NRROS: variants seen among roughly 807,000 people sequenced by gnomAD.
The protein encoded by NRROS is transforming growth factor beta activator LRRC33.
A neutral mutation model predicts 12.0 loss-of-function variants in NRROS; 6 were observed. The observed-to-expected ratio is 0.50, with a 90% CI of 0.27 to 0.98. The LOEUF (loss-of-function observed/expected upper bound fraction) is 0.98. NRROS is among the 50% of genes least tolerant of loss of function. The pLI is 0.11. For missense variants in NRROS, 857 were observed against 888.2 expected (o/e 0.96, Z 0.45); for synonymous variants, 462 against 410.2 (o/e 1.13, Z -1.53).
intron 1 of NRROS, among the ~76,000 whole-genome samples, chr3:196,640,152 C>A (rs1458975512): frequency 1.3e-5 from 2 of 152,224 alleles, no homozygotes; most frequent in African/African-American, 4.8e-5. Context: ...GCTTCAGATT[C>A]AGACGTGGGT....
chr3:196,660,565 G>T lies in NRROS; in HGVS notation c.922G>T (p.Gly308Cys). 6.2e-7 allele frequency: 1 copy of T among 1,614,104 alleles called. No homozygotes were observed. The highest frequency in any genetic ancestry group is 8.5e-7 in the Non-Finnish European group (1 of 1,180,018). Residue 308 changes from glycine to cysteine, a missense_variant, in exon 3 of 3, where the codon GGC becomes TGC. Coordinates refer to ENST00000328557, the MANE Select transcript of NRROS (RefSeq NM_198565.3). The surrounding 1 kb of genome is among the most constrained non-coding windows in gnomAD (Gnocchi z 7.7). ...GGTGGCCCAGTTCCTCCTCGTGGAC[G>T]GCAACGTGACCAACATCACCACCGT... ...EMVAQFLLVD[G>C]NVTNITTVSL...
At position 196,660,027 on chromosome 3, in the gene NRROS, C is replaced by T. The variant is rs773716378; in HGVS notation, c.384C>T (p.Leu128=). ...SENYEETAAA[L]HALPGLRRLD... The stretch of plus-strand genomic sequence containing the variant: ...ACTACGAAGAGACGGCAGCCGCCCT[C>T]CACGCCCTGCCGGGCCTGCGGAGGC... The change falls in exon 3 of 3, where the codon CTC becomes CTT. Residue 128 remains leucine, a synonymous_variant. Coordinates refer to ENST00000328557, the MANE Select transcript of NRROS (RefSeq NM_198565.3). The surrounding 1 kb of genome is among the most constrained non-coding windows in gnomAD (Gnocchi z 7.7). 1 of 1,613,394 alleles carries T rather than the reference C, an allele frequency of 6.2e-7. No homozygotes were observed. The highest frequency in any genetic ancestry group is 1.1e-5 in the South Asian group (1 of 91,058).
At chr3:196,643,033 A>C (rs970132665) in intron 1 of NRROS, among the ~76,000 whole-genome samples, 1 of 149,890 alleles carries the variant, frequency 6.7e-6, no homozygotes, top group Non-Finnish European at 1.5e-5. Flanking sequence ...TGATTGTGCC[A>C]TTGCACTCCA....
At chr3:196,652,067 C>T (rs1017056540) in intron 1 of NRROS, among the ~76,000 whole-genome samples, 13 of 152,296 alleles carry the variant, frequency 8.5e-5, no homozygotes, top group East Asian at 5.8e-4. Context: ...AAGGGGAAGG[C>T]GCAGCTCTGG....
chr3:196,657,565 G>A (rs752180382), intron 2 of NRROS, among the ~76,000 whole-genome samples: 2 of 151,996 alleles, frequency 1.3e-5, no homozygotes, highest in Non-Finnish European at 2.9e-5. Context: ...AAATTAGCCC[G>A]GTGTGGTGGT....
rs748408648 is a variant in NRROS, at chr3:196,660,377, G to A, written c.734G>A (p.Gly245Glu). Residue 245 changes from glycine (G) to glutamate (E), a missense_variant, in exon 3 of 3, where the codon GGG (glycine) becomes GAG (glutamate). Coordinates refer to ENST00000328557, the MANE Select transcript of NRROS (RefSeq NM_198565.3). The surrounding 1 kb of genome is among the most constrained non-coding windows in gnomAD (Gnocchi z 7.7). ...YNVLEWFLAT[G>E]GEAAFELETL... ...GTCCTGGAGTGGTTCCTCGCGACCGGGGGAGAGGCTGCCTTCGAGCTGGAG... is the reference window on the plus strand; with the variant it reads ...GTCCTGGAGTGGTTCCTCGCGACCGAGGGAGAGGCTGCCTTCGAGCTGGAG... 2 of 1,613,912 alleles carry A rather than the reference G, an allele frequency of 1.2e-6. No homozygotes were observed. The highest frequency in any genetic ancestry group is 1.7e-6 in the Non-Finnish European group (2 of 1,180,000).
At chr3:196,651,699 G>C (rs549217481) in intron 1 of NRROS, among the ~76,000 whole-genome samples, 1 of 152,280 alleles carries the variant, frequency 6.6e-6, no homozygotes, top group East Asian at 1.9e-4. Flanking sequence ...CCGGGAGGTG[G>C]AGTTTGCAGT....
In NRROS at chr3:196,660,737, T is replaced by A. The variant is rs1322915325; in HGVS notation, c.1094T>A (p.Met365Lys). The change falls in exon 3 of 3, where the codon ATG becomes AAG. Residue 365 changes from methionine (M) to lysine (K), a missense_variant. By Grantham distance (95) the Met-to-Lys change is moderately conservative. Transcript: ENST00000328557. The surrounding 1 kb of genome is among the most constrained non-coding windows in gnomAD (Gnocchi z 7.7). ...CTGAACCTCCACCAGAATTGCCTGA[T>A]GACGCTTCACATTCGGGAGCACGAG... ...SHLNLHQNCL[M>K]TLHIREHEPP... 2.5e-6 allele frequency: 4 copies of A among 1,614,106 alleles called. No individual in the cohort carries two copies. The highest frequency in any genetic ancestry group is 1.1e-5 in the South Asian group (1 of 91,080).
rs1048504730 is a variant in NRROS, at chr3:196,661,350, G to A, written c.1707G>A (p.Ser569=). The part of the protein sequence containing the change: ...ALETLDLRRN[S]LTALPQKAVS... ...AGACCCTGGATCTCCGTAGAAACTC[G>A]CTCACAGCCCTTCCCCAGAAGGCTG... Residue 569 remains serine (S), a synonymous_variant, in exon 3 of 3, where the codon TCG becomes TCA. Transcript: ENST00000328557. The A allele has an allele frequency of 7.0e-6, 11 of 1,580,692 alleles. No homozygotes were observed. Among genetic ancestry groups the A allele is most frequent in the South Asian group, 5.8e-5 (5 of 85,958 alleles).
At chr3:196,644,198 C>T (rs942800760) in intron 1 of NRROS, among the ~76,000 whole-genome samples, 2 of 152,142 alleles carry the variant, frequency 1.3e-5, no homozygotes, top group African/African-American at 4.8e-5. Context: ...CTCTGACAGC[C>T]CCCGTCTTGC....
chr3:196,661,195 C>G lies in NRROS; in HGVS notation c.1552C>G (p.Leu518Val), dbSNP rs1170490363. ...TGCCCCCATGTTACAGGTCCTGTCT[C>G]TCAGGAACATGGGCCTCCACTCCAG... is the stretch of plus-strand genomic sequence containing the variant. Reference protein sequence around the residue: ...DVAPMLQVLSLRNMGLHSSFM... With the variant: ...DVAPMLQVLSVRNMGLHSSFM... The change falls in exon 3 of 3, where the codon CTC becomes GTC. Residue 518 changes from leucine (L) to valine (V), a missense_variant. Leu to Val is a conservative substitution (Grantham distance 32, BLOSUM62 1). Transcript: ENST00000328557. 1.8e-5 allele frequency: 29 copies of G among 1,613,610 alleles called. No individual in the cohort carries two copies. The highest frequency in any genetic ancestry group is 2.1e-5 in the Non-Finnish European group (25 of 1,179,796).
chr3:196,650,223 C>T (rs746825321), intron 1 of NRROS, among the ~76,000 whole-genome samples: 1 of 152,232 alleles, frequency 6.6e-6, no homozygotes, highest in Non-Finnish European at 1.5e-5. Flanking sequence ...TCTCTGCTCA[C>T]TGCAGCCTCC....
At position 196,660,386 on chromosome 3, in the gene NRROS, C is replaced by T. The variant is rs772865003; in HGVS notation, c.743C>T (p.Ala248Val). 16 of 1,613,996 alleles carry T rather than the reference C, an allele frequency of 9.9e-6. 1 individual carries two copies. In the Admixed American group the frequency reaches 2.3e-4, roughly 24 times the overall value. ...TGGTTCCTCGCGACCGGGGGAGAGG[C>T]TGCCTTCGAGCTGGAGACGCTGGAC... ...LEWFLATGGE[A>V]AFELETLDLS... The change falls in exon 3 of 3, where the codon GCT (alanine) becomes GTT (valine). Residue 248 changes from alanine (A) to valine (V), a missense_variant. By Grantham distance (64) the Ala-to-Val change is moderately conservative. Coordinates refer to ENST00000328557, the MANE Select transcript of NRROS (RefSeq NM_198565.3). The surrounding 1 kb of genome is among the most constrained non-coding windows in gnomAD (Gnocchi z 7.7).
In NRROS at chr3:196,654,563, C is replaced by A. The variant is rs61738471; in HGVS notation, c.24C>A (p.Leu8=). 10 of 1,613,858 alleles carry A rather than the reference C, an allele frequency of 6.2e-6. No individual in the cohort carries two copies. The highest frequency in any genetic ancestry group is 8.5e-6 in the Non-Finnish European group (10 of 1,179,834). The change falls in exon 2 of 3, where the codon CTC becomes CTA. Residue 8 remains leucine (L), a synonymous_variant. Transcript: ENST00000328557. The surrounding 1 kb of genome is among the most constrained non-coding windows in gnomAD (Gnocchi z 4.4). Reference sequence around the variant, plus strand: ...AGATGGAGTTGCTGCCTCTTTGGCTCTGCCTGGGTTTTCACTTCCTGACCG... The same window carrying A: ...AGATGGAGTTGCTGCCTCTTTGGCTATGCCTGGGTTTTCACTTCCTGACCG... MELLPLW[L]CLGFHFLTVG... is the part of the protein sequence containing the mutation.
intron 1 of NRROS, among the ~76,000 whole-genome samples, chr3:196,650,293 G>A (rs555074200): frequency 3.9e-5 from 6 of 152,278 alleles, no homozygotes; most frequent in East Asian, 1.9e-4. Context: ...ACAGGCATCC[G>A]CCACCACGCC....
intron 2 of NRROS, among the ~76,000 whole-genome samples, chr3:196,656,314 C>T (rs1375628521): frequency 1.3e-5 from 2 of 152,170 alleles, no homozygotes; most frequent in Non-Finnish European, 2.9e-5. Context: ...TGGTTTTTAA[C>T]CTCTTTTAGT....
intron 1 of NRROS, among the ~76,000 whole-genome samples, chr3:196,647,890 C>T (rs1345508040): frequency 2.0e-5 from 3 of 152,218 alleles, no homozygotes; most frequent in Non-Finnish European, 2.9e-5. Flanking sequence ...TTAGTAGAGA[C>T]GGGGTTTCTC....
chr3:196,643,967 A>C (rs904955266), intron 1 of NRROS, among the ~76,000 whole-genome samples: 3 of 151,982 alleles, frequency 2.0e-5, no homozygotes, highest in Non-Finnish European at 4.4e-5. Flanking sequence ...CTGGCCCTGG[A>C]CCACCTCCTT....
At chr3:196,642,104 C>T (rs530118995) in intron 1 of NRROS, among the ~76,000 whole-genome samples, 1 of 152,112 alleles carries the variant, frequency 6.6e-6, no homozygotes, top group South Asian at 2.1e-4. Context: ...TGATGGGGCT[C>T]AGGGCTAGGT....
Sources: allele counts gnomAD v4.1 joint callset (sites outside exome capture counted in the v4.1 genomes callset), GRCh38; gene constraint gnomAD v4.1.1; non-coding constraint Gnocchi (gnomAD v3.1); transcripts MANE v1.5; gene names NCBI Gene and HGNC (gene_info 2026-07-23, HGNC 2026-07-21).